C12orf56: variants seen among roughly 807,000 people sequenced by gnomAD.
The protein encoded by C12orf56 is uncharacterized protein C12orf56.
Under a neutral mutation model 69.9 loss-of-function variants are expected in C12orf56, and 71 were observed. The ratio of observed to expected loss-of-function variants is 1.02; its 90% CI spans 0.84 to 1.24. The LOEUF (loss-of-function observed/expected upper bound fraction) is 1.24. Among genes scored for constraint, C12orf56 ranks in the 50% most tolerant of loss-of-function variants. The pLI is 0.00. For missense variants in C12orf56, 732 were observed against 738.5 expected, an observed-to-expected ratio of 0.99 and a Z score of 0.10; for synonymous variants, 276 against 274.1, an observed-to-expected ratio of 1.01 and a Z score of -0.07.
intron 1 of C12orf56, among the ~76,000 whole-genome samples, chr12:64,380,324 A>T (rs1000621923): frequency 1.3e-5 from 2 of 151,942 alleles, no homozygotes; most frequent in African/African-American, 2.4e-5. Context: ...ATCCCTCAAC[A>T]CTTGGATATA....
At chr12:64,378,830 C>A (rs141680461) in intron 1 of C12orf56, among the ~76,000 whole-genome samples, 3,761 of 152,068 alleles carry the variant, frequency 0.025, 180 homozygotes, top group African/African-American at 0.086. Flanking sequence ...GCAGGTGGAT[C>A]ACTTGAGGCC....
chr12:64,265,415 G>C lies in C12orf56; in HGVS notation c.*1768C>G. The stretch of plus-strand genomic sequence containing the variant: ...AAGAAAGGAGGATTACTTGAAGTTA[G>C]TGCAAAATCATCCACTGAGCCGAGA... On this transcript the variant is annotated 3_prime_UTR_variant, in exon 13 of 13. Transcript: ENST00000543942. 1 of 152,240 alleles carries C rather than the reference G, an allele frequency of 6.6e-6. No individual in the cohort carries two copies. 9.4% of individuals were successfully genotyped at this position (152,240 alleles called of 1,614,324 possible). A position where few individuals can be genotyped will look rare whatever the true frequency, so the allele number is the denominator to read the frequency against.
At chr12:64,358,730 G>T (rs1018286400) in intron 1 of C12orf56, among the ~76,000 whole-genome samples, 5 of 148,772 alleles carry the variant, frequency 3.4e-5, no homozygotes, top group Admixed American at 1.3e-4. Context: ...GGAGGGAGAG[G>T]TTGCAGTGAG....
intron 1 of C12orf56, among the ~76,000 whole-genome samples, chr12:64,364,628 A>C (rs2039441037): frequency 6.6e-6 from 1 of 152,168 alleles, no homozygotes; most frequent in Non-Finnish European, 1.5e-5. Flanking sequence ...CCACTGAAAA[A>C]GGACACTGTC....
At chr12:64,373,291 CA>C (rs902506155) in intron 1 of C12orf56, among the ~76,000 whole-genome samples, 1 of 151,964 alleles carries the variant, frequency 6.6e-6, no homozygotes, top group African/African-American at 2.4e-5. Context: ...CCTGTCTCTA[CA>C]AAAAATATGA....
intron 1 of C12orf56, 31 bp from the exon 2 acceptor site, chr12:64,353,087 G>C (rs1172000255): frequency 1.2e-6 from 2 of 1,600,250 alleles, no homozygotes; most frequent in African/African-American, 1.4e-5. Flanking sequence ...CCTCATTGAA[G>C]ACAAATACAA....
chr12:64,371,777 C>T (rs2039573835), intron 1 of C12orf56, among the ~76,000 whole-genome samples: 1 of 152,076 alleles, frequency 6.6e-6, no homozygotes, highest in Admixed American at 6.6e-5. Context: ...TTGCAGTGAG[C>T]TGAGATCATG....
At chr12:64,297,818 C>G (rs1253540174) in intron 6 of C12orf56, among the ~76,000 whole-genome samples, 2 of 152,160 alleles carry the variant, frequency 1.3e-5, no homozygotes, top group Non-Finnish European at 2.9e-5. Flanking sequence ...CAAGTCTTTG[C>G]TATTGTGAAT....
intron 3 of C12orf56, among the ~76,000 whole-genome samples, chr12:64,328,980 G>A (rs774176881): frequency 1.9e-4 from 28 of 150,336 alleles, no homozygotes; most frequent in African/African-American, 6.1e-4. Context: ...CAGGAAAGTC[G>A]CTTGAACCTG....
intron 11 of C12orf56, among the ~76,000 whole-genome samples, chr12:64,274,696 G>A (rs763645166): frequency 1.8e-4 from 27 of 152,108 alleles, no homozygotes; most frequent in Non-Finnish European, 3.2e-4. Flanking sequence ...TCCCATTTAA[G>A]ATATAATTTC....
chr12:64,346,024 G>A (rs1328886901), intron 2 of C12orf56, among the ~76,000 whole-genome samples: 1 of 152,106 alleles, frequency 6.6e-6, no homozygotes, highest in Non-Finnish European at 1.5e-5. Flanking sequence ...ACCAATGAAA[G>A]AACTCCATCC....
At chr12:64,331,249 C>T (rs1235607767) in intron 2 of C12orf56, among the ~76,000 whole-genome samples, 2 of 152,048 alleles carry the variant, frequency 1.3e-5, no homozygotes, top group Non-Finnish European at 2.9e-5. Context: ...ACCTGTAATC[C>T]CAACATTTTA....
chr12:64,283,631 C>T (rs1228692062), intron 8 of C12orf56, among the ~76,000 whole-genome samples: 2 of 151,658 alleles, frequency 1.3e-5, no homozygotes, highest in South Asian at 2.1e-4. Context: ...GCTTGTTTGC[C>T]CTCTGCTTCT....
intron 3 of C12orf56, among the ~76,000 whole-genome samples, chr12:64,321,658 A>G (rs1181525376): frequency 6.6e-6 from 1 of 151,996 alleles, no homozygotes; most frequent in Admixed American, 6.6e-5. Flanking sequence ...CTTAAGTGGA[A>G]TGTTTAACTC....
At chr12:64,350,093 G>GAAAAA (rs200890156) in intron 2 of C12orf56, among the ~76,000 whole-genome samples, 1 of 119,528 alleles carries the variant, frequency 8.4e-6, no homozygotes. Flanking sequence ...CTCAGTCTCA[G>GAAAAA]AAAAAAAAAA....
Position 64,312,723 on chromosome 12 carries a change from A to C in C12orf56, c.924T>G (p.Tyr308Ter). The C allele has an allele frequency of 1.3e-6, 2 of 1,536,738 alleles. No individual in the cohort carries two copies. The highest frequency in any genetic ancestry group is 1.7e-6 in the Non-Finnish European group (2 of 1,146,462). Residue 308 changes from tyrosine (Y) to a stop codon, truncating the protein, a stop_gained, in exon 5 of 13, where the codon TAT (tyrosine) becomes TAG (stop). Coordinates refer to ENST00000543942, the MANE Select transcript of C12orf56 (RefSeq NM_001170633.2). LOFTEE classifies it high-confidence loss of function. ...CAATAGCAGGACTGAACTCACTAGC[A>C]TAGAAGGGATCTTGTAAAAGAGTAG... is the stretch of plus-strand genomic sequence containing the variant. ...IKATLLQDPF[Y>*]ASEFSPAIGS...
intron 2 of C12orf56, among the ~76,000 whole-genome samples, chr12:64,351,838 C>T (rs2039225992): frequency 6.7e-6 from 1 of 148,380 alleles, no homozygotes; most frequent in South Asian, 2.2e-4. Context: ...GTACCCCTTT[C>T]AAATGCAACC....
At chr12:64,310,362 G>A (rs1348279174) in intron 5 of C12orf56, among the ~76,000 whole-genome samples, 2 of 152,156 alleles carry the variant, frequency 1.3e-5, no homozygotes, top group Admixed American at 1.3e-4. Flanking sequence ...AAATGAATCT[G>A]TCATTTCATT....
At chr12:64,363,427 C>T (rs1167082167) in intron 1 of C12orf56, among the ~76,000 whole-genome samples, 7 of 152,150 alleles carry the variant, frequency 4.6e-5, no homozygotes, top group Non-Finnish European at 1.0e-4. Flanking sequence ...CAAAGAAAGG[C>T]TTGAATCAGG....
Sources: gnomAD v4.1 joint callset for allele counts (sites outside exome capture counted in the v4.1 genomes callset) on GRCh38, gnomAD v4.1.1 for gene constraint, MANE v1.5 for transcripts, NCBI Gene and HGNC (gene_info 2026-07-23, HGNC 2026-07-21) for gene names.